The following CTNS variants were observed in gnomAD, a reference collection of about 807,000 sequenced individuals.
The protein encoded by CTNS is cystinosin, lysosomal cystine transporter, also known as cystinosin.
CTNS carries 27 observed loss-of-function variants against 43.7 expected under a neutral mutation model. The ratio of observed to expected loss-of-function variants is 0.62; its 90% CI spans 0.46 to 0.85. The LOEUF is 0.85. CTNS is among the 40% of genes least tolerant of loss of function. The probability of loss-of-function intolerance (pLI) is 0.00; values close to 1 mark genes in which losing one functional copy is unlikely to be tolerated. For synonymous variants in CTNS, 187 were observed against 190.6 expected, an observed-to-expected ratio of 0.98 and a Z score of 0.16; for missense variants, 457 against 475.4, an observed-to-expected ratio of 0.96 and a Z score of 0.36.
At chr17:3,640,784 G>A (rs1308222444) in intron 3 of CTNS, among the ~76,000 whole-genome samples, 1 of 152,110 alleles carries the variant, frequency 6.6e-6, no homozygotes, top group East Asian at 1.9e-4. Flanking sequence ...CGTGCCTATA[G>A]TCCTAGCTAC....
Position 3,658,417 on chromosome 17 carries a change from C to G in CTNS, c.852+242C>G, listed in dbSNP as rs466867. On this transcript the variant is annotated intron_variant, in intron 10 of 11. Coordinates refer to ENST00000046640, the MANE Select transcript of CTNS (RefSeq NM_004937.3). ...TTGGACCCCACGCTCCCCTAAGCAT[C>G]AGGTGTGCGGGTGGTTCCCCTTCTC... Among the ~76,000 whole-genome samples, 90,917 of 151,848 alleles carry G rather than the reference C, an allele frequency of 0.6. 30,442 individuals carry two copies. The highest frequency in any genetic ancestry group is 0.74 in the Non-Finnish European group (50,192 of 67,836).
intron 1 of CTNS, 127 bp from the exon 2 acceptor site, chr17:3,636,980 C>T (rs1453296439): frequency 6.6e-6 from 1 of 152,292 alleles, no homozygotes; most frequent in Non-Finnish European, 1.5e-5. Flanking sequence ...ACGGGACAAC[C>T]CCCGGGTGGA....
intron 5 of CTNS, among the ~76,000 whole-genome samples, chr17:3,653,194 C>G (rs576180817): frequency 6.6e-6 from 1 of 152,090 alleles, no homozygotes; most frequent in Admixed American, 6.5e-5. Context: ...GGTGGATCAC[C>G]TGAGGTCAGA....
At chr17:3,643,186 C>T (rs930158921) in intron 3 of CTNS, among the ~76,000 whole-genome samples, 3 of 151,832 alleles carry the variant, frequency 2.0e-5, no homozygotes, top group South Asian at 2.1e-4. Flanking sequence ...TGGTGGCGGG[C>T]GCCTATAGTC....
At chr17:3,653,740 G>A (rs1392237094) in intron 5 of CTNS, among the ~76,000 whole-genome samples, 1 of 152,112 alleles carries the variant, frequency 6.6e-6, no homozygotes, top group Non-Finnish European at 1.5e-5. Flanking sequence ...GCCAGACGTG[G>A]TGGCACACGC....
At chr17:3,657,602 G>A (rs1215814895) in intron 9 of CTNS, 2 of 290,682 alleles carry the variant, frequency 6.9e-6, no homozygotes, top group African/African-American at 2.2e-5. Context: ...TCAGGCTGCT[G>A]CCGGGTCGTG....
chr17:3,651,210 C>T (rs2075973702), intron 5 of CTNS, among the ~76,000 whole-genome samples: 1 of 151,292 alleles, frequency 6.6e-6, no homozygotes, highest in Non-Finnish European at 1.5e-5. Context: ...TTATCCTGCC[C>T]CAGCCTCCCG....
At chr17:3,650,354 C>T (rs2075951407) in intron 5 of CTNS, 1 of 1,544,664 alleles carries the variant, frequency 6.5e-7, no homozygotes, top group Non-Finnish European at 8.7e-7. Context: ...CAGAGATGTG[C>T]ACCTGTAATC....
chr17:3,655,608 A>T, intron 7 of CTNS: 3 of 433,330 alleles, frequency 6.9e-6, no homozygotes, highest in Non-Finnish European at 4.3e-6. Context: ...AGTTTAGTGG[A>T]GAATGGGCGG....
chr17:3,637,848 CCTT>C (rs201118861), intron 2 of CTNS, among the ~76,000 whole-genome samples: 3,370 of 151,400 alleles, frequency 0.022, 130 homozygotes, highest in African/African-American at 0.078. Flanking sequence ...GTTACCACCT[CCTT>C]GTTTGGCACC....
chr17:3,643,871 A>AT (rs1271376261), intron 3 of CTNS, among the ~76,000 whole-genome samples: 2 of 151,756 alleles, frequency 1.3e-5, no homozygotes, highest in South Asian at 2.1e-4. Context: ...CCGGCCAAAA[A>AT]TTTTTTTTTA....
intron 3 of CTNS, among the ~76,000 whole-genome samples, chr17:3,641,355 G>GAGATATATATATATATATATATATATAT (rs777820533): frequency 1.6e-5 from 1 of 64,020 alleles, no homozygotes; most frequent in African/African-American, 8.1e-5. Context: ...ACAAAAATCA[G>GAGATATATATATATATATATATATATAT]ATACATATAT....
chr17:3,636,488 C>T (rs1023965026), upstream of CTNS: 4 of 433,806 alleles, frequency 9.2e-6, no homozygotes, highest in Non-Finnish European at 1.6e-5. Context: ...CAATGGAGGG[C>T]GGTCTGAGCT....
At chr17:3,651,440 G>A (rs544104181) in intron 5 of CTNS, among the ~76,000 whole-genome samples, 6 of 152,254 alleles carry the variant, frequency 3.9e-5, no homozygotes, top group Admixed American at 1.3e-4. Context: ...AGCCTTGGCT[G>A]TAGGAGTCCT....
intron 10 of CTNS, among the ~76,000 whole-genome samples, chr17:3,659,389 C>T (rs1225751061): frequency 6.6e-6 from 1 of 152,232 alleles, no homozygotes; most frequent in African/African-American, 2.4e-5. Flanking sequence ...GGAGAACTGT[C>T]ACTTGCCCAA....
intron 9 of CTNS, 79 bp downstream of exon 9, chr17:3,656,874 C>A: frequency 6.3e-7 from 1 of 1,599,720 alleles, no homozygotes; most frequent in Non-Finnish European, 8.5e-7. Flanking sequence ...GAAGACACGG[C>A]AGAGCCTGGG....
chr17:3,645,786 G>C (rs908234762), intron 3 of CTNS, among the ~76,000 whole-genome samples: 2 of 151,212 alleles, frequency 1.3e-5, no homozygotes, highest in Admixed American at 6.6e-5. Flanking sequence ...CTTGAACCCA[G>C]GAGGCAGAGG....
chr17:3,657,083 GAGGGAGGAGGGCACAGA>G (rs1261835579), intron 9 of CTNS, among the ~76,000 whole-genome samples: 2 of 149,222 alleles, frequency 1.3e-5, no homozygotes, highest in Non-Finnish European at 2.9e-5. Context: ...TGCCAGGGAG[GAGGGAGGAGGGCACAGA>G]AGGGAGGAGG....
At chr17:3,647,571 G>A (rs764079971) in intron 4 of CTNS, 49 bp downstream of exon 4, 15 of 1,549,398 alleles carry the variant, frequency 9.7e-6, no homozygotes, top group Non-Finnish European at 1.2e-5. Flanking sequence ...AGGCCCCGCA[G>A]CTGGGTCAGG....
Sources: gnomAD v4.1 joint callset for allele counts (sites outside exome capture counted in the v4.1 genomes callset) on GRCh38, gnomAD v4.1.1 for gene constraint, MANE v1.5 for transcripts, NCBI Gene and HGNC (gene_info 2026-07-23, HGNC 2026-07-21) for gene names.